Variants in RILPL1 observed in about 807,000 individuals in gnomAD.
RILPL1 encodes Rab interacting lysosomal protein like 1, also known as RILP-like protein 1.
Under a neutral mutation model 50.3 loss-of-function variants are expected in RILPL1, and 33 were observed. The ratio of observed to expected loss-of-function variants is 0.66; its 90% confidence interval spans 0.50 to 0.88. The LOEUF (loss-of-function observed/expected upper bound fraction) is 0.88, where lower values mean the gene tolerates loss of function less well. Ranked by LOEUF, RILPL1 falls within the 40% of genes least tolerant of loss-of-function variation. The pLI is 0.00. For synonymous variants in RILPL1, 205 were observed against 228.6 expected (o/e 0.90, Z 0.93); for missense variants, 418 against 542.5 (o/e 0.77, Z 2.28).
At chr12:123,511,415 CTGTG>C (rs1884187384) in intron 2 of RILPL1, among the ~76,000 whole-genome samples, 1 of 70,396 alleles carries the variant, frequency 1.4e-5, no homozygotes, top group Non-Finnish European at 2.8e-5. Flanking sequence ...TGTGTGAGGT[CTGTG>C]TGTGAGGTCT....
chr12:123,471,503 G>A lies in RILPL1; in HGVS notation c.*1035C>T, dbSNP rs970917174. On this transcript the variant is annotated 3_prime_UTR_variant, in exon 7 of 7. Transcript: ENST00000376874. ...GCCCTGTGCCCTGGATGCTTGGCGG[G>A]TGGAGAGAAAGACAGTGTTATGTGG... 6.6e-6 allele frequency: 1 copy of A among 152,256 alleles called. No individual in the cohort carries two copies. The highest frequency in any genetic ancestry group is 1.5e-5 in the Non-Finnish European group (1 of 68,100). 9.4% of individuals were successfully genotyped at this position (152,256 alleles called of 1,614,324 possible). A position where few individuals can be genotyped will look rare whatever the true frequency, so the allele number is the denominator to read the frequency against.
chr12:123,507,060 A>G (rs1883794218), intron 2 of RILPL1, among the ~76,000 whole-genome samples: 1 of 152,208 alleles, frequency 6.6e-6, no homozygotes, highest in Non-Finnish European at 1.5e-5. Flanking sequence ...GACACCACCA[A>G]GTGCTGGTGA....
At position 123,518,798 on chromosome 12, in the gene RILPL1, C is replaced by T. The variant is rs988847004; in HGVS notation, c.460+4697G>A. Reference sequence around the variant, plus strand: ...ATCTGGCCGGGCGCGGTGGCTCATGCCTGTAATCCCAGCACTTTGGGAGGC... The same window carrying T: ...ATCTGGCCGGGCGCGGTGGCTCATGTCTGTAATCCCAGCACTTTGGGAGGC... On this transcript the variant is annotated intron_variant, in intron 2 of 6. Transcript: ENST00000376874. Among the ~76,000 whole-genome samples the T allele has an allele frequency of 4.0e-5, 6 of 151,842 alleles. No individual in the cohort carries two copies. The South Asian group carries it at 6.2e-4, about 16-fold the overall frequency.
chr12:123,518,050 G>C lies in RILPL1; in HGVS notation c.460+5445C>G, dbSNP rs368745442. 7.2e-5 allele frequency among the ~76,000 whole-genome samples: 11 copies of C among 152,284 alleles called. No individual in the cohort carries two copies. In the East Asian group the frequency reaches 1.7e-3, roughly 24 times the overall value. On this transcript the variant is annotated intron_variant, in intron 2 of 6. Transcript: ENST00000376874. The stretch of plus-strand genomic sequence containing the variant: ...AATCCATAGAGACAGTAAGTAGAAT[G>C]GTGGGTGCCAGGGGCCAATGGCGTG...
intron 5 of RILPL1, chr12:123,484,801 G>C (rs1007860515): frequency 1.1e-4 from 27 of 251,644 alleles, no homozygotes; most frequent in Non-Finnish European, 2.2e-4. Flanking sequence ...GGACTACAGG[G>C]TGAGCCACCA....
chr12:123,530,680 G>C (rs747399893), intron 1 of RILPL1, among the ~76,000 whole-genome samples: 1 of 152,196 alleles, frequency 6.6e-6, no homozygotes, highest in African/African-American at 2.4e-5. Context: ...TATGTTACAC[G>C]CGAGTGTATC....
chr12:123,514,716 G>A (rs890777249), intron 2 of RILPL1, among the ~76,000 whole-genome samples: 4 of 151,922 alleles, frequency 2.6e-5, no homozygotes, highest in East Asian at 3.9e-4. Context: ...GTGAGCCACC[G>A]CCCCCAGCCC....
At chr12:123,477,633 A>C (rs775516032) in intron 6 of RILPL1, among the ~76,000 whole-genome samples, 1 of 151,920 alleles carries the variant, frequency 6.6e-6, no homozygotes, top group Non-Finnish European at 1.5e-5. Flanking sequence ...CCTGGCCAGG[A>C]GTTGGTGTCT....
intron 2 of RILPL1, among the ~76,000 whole-genome samples, chr12:123,508,127 C>T (rs193015310): frequency 5.9e-5 from 9 of 151,398 alleles, no homozygotes; most frequent in East Asian, 3.9e-4. Context: ...GGCATGGTGG[C>T]GCATGCCTGT....
chr12:123,510,905 A>G (rs1213575939), intron 2 of RILPL1, among the ~76,000 whole-genome samples: 21 of 49,246 alleles, frequency 4.3e-4, no homozygotes, highest in African/African-American at 5.7e-4. Context: ...GTGTGTGTGT[A>G]TTGTGTGAGG....
chr12:123,504,889 A>G (rs28722199), intron 2 of RILPL1, among the ~76,000 whole-genome samples: 3,597 of 152,210 alleles, frequency 0.024, 60 homozygotes, highest in Non-Finnish European at 0.039. Flanking sequence ...CACGAGATGC[A>G]AAAGGCTCTC....
In RILPL1 at chr12:123,470,449, G is replaced by C. The variant is rs1439390765; in HGVS notation, c.*2089C>G. ...GATAGTGCCACTGTACTCCAGCCTA[G>C]GTGACAGAGTGAGACCCTGTGTCCA... is the stretch of plus-strand genomic sequence containing the variant. On this transcript the variant is annotated 3_prime_UTR_variant, in exon 7 of 7. Coordinates refer to ENST00000376874, the MANE Select transcript of RILPL1 (RefSeq NM_178314.5). 1.4e-5 allele frequency: 2 copies of C among 137,948 alleles called. No homozygotes were observed. The highest frequency in any genetic ancestry group is 3.0e-5 in the Non-Finnish European group (2 of 66,970). The allele number at this position is 137,948 out of a possible 1,614,324, so 8.5% of individuals were successfully genotyped here. A position where few individuals can be genotyped will look rare whatever the true frequency, so the allele number is the denominator to read the frequency against.
rs114639762 is a variant in RILPL1 at position 123,483,768 on chromosome 12, T to C, written c.1067+412A>G. The stretch of plus-strand genomic sequence containing the variant: ...CTACATGGATGAGTCATCAGAGAAC[T>C]GCATAGATGGGGTGGACCCAGGGCC... On this transcript the variant is annotated intron_variant, in intron 6 of 6. Coordinates refer to ENST00000376874, the MANE Select transcript of RILPL1 (RefSeq NM_178314.5). 7.6e-4 allele frequency among the ~76,000 whole-genome samples: 116 copies of C among 152,246 alleles called. 1 individual carries two copies. In the Middle Eastern group the frequency reaches 0.017, roughly 22 times the overall value.
chr12:123,487,653 A>C (rs1882432785), intron 4 of RILPL1, among the ~76,000 whole-genome samples: 1 of 152,198 alleles, frequency 6.6e-6, no homozygotes, highest in South Asian at 2.1e-4. Context: ...GTACAGATGT[A>C]CCACAGTGTG....
At chr12:123,472,845 AAGC>A in intron 6 of RILPL1, 163 bp from the exon 7 acceptor site, 1 of 692,428 alleles carries the variant, frequency 1.4e-6, no homozygotes, top group Non-Finnish European at 2.4e-6. Flanking sequence ...TATTCCAAGA[AAGC>A]AGCAGGGTAT....
chr12:123,499,821 C>T lies in RILPL1; in HGVS notation c.461-285G>A, dbSNP rs892091569. ...GCGCTTCATTTTTCAGGCCTCAGCC[C>T]AAATGTCACCTCTTCACAGAGGCCT... On this transcript the variant is annotated intron_variant, in intron 2 of 6. Coordinates refer to ENST00000376874, the MANE Select transcript of RILPL1 (RefSeq NM_178314.5). 2.0e-5 allele frequency among the ~76,000 whole-genome samples: 3 copies of T among 152,148 alleles called. No homozygotes were observed. In the East Asian group the frequency reaches 5.8e-4, roughly 29 times the overall value.
intron 2 of RILPL1, chr12:123,518,500 C>CAA (rs60479214): frequency 2.3e-4 from 19 of 82,950 alleles, no homozygotes; most frequent in South Asian, 8.9e-4. Flanking sequence ...GAGACCTGTC[C>CAA]AAAAAAAAAA....
intron 2 of RILPL1, among the ~76,000 whole-genome samples, chr12:123,502,363 C>G (rs1883450342): frequency 6.6e-6 from 1 of 152,246 alleles, no homozygotes; most frequent in African/African-American, 2.4e-5. Flanking sequence ...GGCCTTTGTG[C>G]AAAGCTGTCG....
intron 2 of RILPL1, among the ~76,000 whole-genome samples, chr12:123,516,000 C>T (rs1297076964): frequency 2.9e-5 from 4 of 140,252 alleles, no homozygotes; most frequent in African/African-American, 1.1e-4. Flanking sequence ...CAGCACTTCA[C>T]TCCAGCCTGG....
Sources: allele counts gnomAD v4.1 joint callset (sites outside exome capture counted in the v4.1 genomes callset), GRCh38; gene constraint gnomAD v4.1.1; transcripts MANE v1.5; gene names NCBI Gene and HGNC (gene_info 2026-07-23, HGNC 2026-07-21).